ACSS1: variants seen among roughly 807,000 people sequenced by gnomAD.
ACSS1 encodes acyl-CoA synthetase short chain family member 1.
A neutral mutation model predicts 75.3 loss-of-function variants in ACSS1; 42 were observed. The observed-to-expected ratio is 0.56, with a 90% CI of 0.44 to 0.72. ACSS1 has a LOEUF of 0.72. ACSS1 is among the 30% of genes least tolerant of loss of function. ACSS1 has a pLI of 0.00. For missense variants in ACSS1, 782 were observed against 935.7 expected (o/e 0.84, Z 2.14); for synonymous variants, 380 against 376.8 (o/e 1.01, Z -0.10).
intron 6 of ACSS1, among the ~76,000 whole-genome samples, chr20:25,020,429 G>A (rs1404993085): frequency 6.6e-6 from 1 of 152,246 alleles, no homozygotes; most frequent in Non-Finnish European, 1.5e-5. Flanking sequence ...AGTTCAAGGT[G>A]ATACTACGTG....
chr20:25,024,429 C>A (rs1004263527), intron 3 of ACSS1, among the ~76,000 whole-genome samples: 4 of 152,174 alleles, frequency 2.6e-5, no homozygotes, highest in Non-Finnish European at 5.9e-5. Flanking sequence ...GGGGTTACTA[C>A]ACAGCCCCTC....
chr20:25,024,030 A>T (rs975526088), intron 3 of ACSS1, among the ~76,000 whole-genome samples: 2 of 152,152 alleles, frequency 1.3e-5, no homozygotes, highest in Admixed American at 6.5e-5. Flanking sequence ...AAATACCGAG[A>T]GGCAGAGAAC....
intron 1 of ACSS1, among the ~76,000 whole-genome samples, chr20:25,053,627 C>A (rs1236888177): frequency 6.6e-6 from 1 of 152,116 alleles, no homozygotes; most frequent in Non-Finnish European, 1.5e-5. Context: ...GAAGCACAGG[C>A]GCACAGCGTC....
chr20:25,045,787 A>T (rs965645904), intron 2 of ACSS1, among the ~76,000 whole-genome samples: 1 of 152,242 alleles, frequency 6.6e-6, no homozygotes, highest in East Asian at 1.9e-4. Flanking sequence ...TGACCAGGAC[A>T]ATGAGGAACT....
At chr20:25,015,095 G>T in intron 8 of ACSS1, 43 bp downstream of exon 8, 1 of 1,557,884 alleles carries the variant, frequency 6.4e-7, no homozygotes, top group South Asian at 1.1e-5. Context: ...TGACCCTGCA[G>T]ACCCAGCACT....
chr20:25,013,653 C>T lies in ACSS1; in HGVS notation c.1462G>A (p.Val488Met), dbSNP rs6050249. ...GCCCCGGAGACGTTGCTGCCCTCCA[C>T]GACGCTGCCCTGTAGACCCCGGACA... ...PVLMDEKGSV[V>M]EGSNVSGALC... is the part of the protein sequence containing the mutation. Residue 488 changes from valine to methionine, a missense_variant, in exon 10 of 14, where the codon GTG (valine) becomes ATG (methionine). Physicochemically the swap from Val to Met is conservative, Grantham distance 21. Coordinates refer to ENST00000323482, the MANE Select transcript of ACSS1 (RefSeq NM_032501.4). 0.17 allele frequency: 276,146 copies of T among 1,600,708 alleles called. 25,505 individuals carry two copies. Among genetic ancestry groups the T allele is most frequent in the African/African-American group, 0.31 (23,219 of 74,792 alleles).
chr20:25,036,952 CA>C (rs376184330), intron 2 of ACSS1, among the ~76,000 whole-genome samples: 179 of 87,224 alleles, frequency 2.1e-3, no homozygotes, highest in Admixed American at 2.9e-3. Context: ...TAGACTCTGT[CA>C]AAAAAAAAAA....
chr20:25,057,652 G>A, intron 1 of ACSS1, 117 bp downstream of exon 1: 1 of 991,514 alleles, frequency 1.0e-6, no homozygotes, highest in South Asian at 1.9e-5. Flanking sequence ...CCGGAGGAGG[G>A]GCCCCTGCAG....
chr20:25,032,839 T>C (rs1450108536), intron 2 of ACSS1: 6 of 339,334 alleles, frequency 1.8e-5, no homozygotes, highest in Non-Finnish European at 2.5e-5. Context: ...GGGGACCACA[T>C]GAGAACCAGA....
At chr20:25,037,101 C>A (rs2088926765) in intron 2 of ACSS1, among the ~76,000 whole-genome samples, 1 of 152,146 alleles carries the variant, frequency 6.6e-6, no homozygotes, top group African/African-American at 2.4e-5. Flanking sequence ...TTCTGGCAGT[C>A]AGTATTCATG....
chr20:25,040,021 C>T (rs190632184), intron 2 of ACSS1, among the ~76,000 whole-genome samples: 1 of 152,356 alleles, frequency 6.6e-6, no homozygotes, highest in East Asian at 1.9e-4. Flanking sequence ...CCTGGCAGAA[C>T]ATTCGCCCCT....
chr20:25,012,921 T>C lies in ACSS1; in HGVS notation c.1598A>G (p.Asp533Gly). Reference sequence around the variant, plus strand: ...GCCGCCCTCAGTTCGGTAAGCCCCGTCTCCAGTGAAGTAATAGCCTGCACC... The same window carrying C: ...GCCGCCCTCAGTTCGGTAAGCCCCGCCTCCAGTGAAGTAATAGCCTGCACC... ...KAYPGYYFTG[D>G]GAYRTEGGYY... is the part of the protein sequence containing the mutation. Residue 533 changes from aspartate (D) to glycine (G), a missense_variant, in exon 11 of 14, where the codon GAC (aspartate) becomes GGC (glycine). Asp to Gly is a moderately conservative substitution (Grantham distance 94). Around this residue, in one of 2 missense-constraint regions of ACSS1, gnomAD observed 405 missense variants for 552.6 expected, o/e 0.73. Coordinates refer to ENST00000323482, the MANE Select transcript of ACSS1 (RefSeq NM_032501.4). 1 of 1,614,072 alleles carries C rather than the reference T, an allele frequency of 6.2e-7. No homozygotes were observed. Among genetic ancestry groups the C allele is most frequent in the Non-Finnish European group, 8.5e-7 (1 of 1,180,018 alleles).
At position 25,015,163 on chromosome 20, in the gene ACSS1, C is replaced by T. The variant is rs2088494173; in HGVS notation, c.1314G>A (p.Thr438=). Residue 438 remains threonine (T), a synonymous_variant, in exon 8 of 14, where the codon ACG becomes ACA. Coordinates refer to ENST00000323482, the MANE Select transcript of ACSS1 (RefSeq NM_032501.4). ...CTGTCTGCCACCAGGTGTCCACCAG[C>T]GTGCACCTGCTGTCCCCCACCACCC... ...LHRVVGDSRC[T]LVDTWWQTET... The T allele has an allele frequency of 5.0e-6, 8 of 1,613,106 alleles. No individual in the cohort carries two copies. Among genetic ancestry groups the T allele is most frequent in the South Asian group, 1.1e-5 (1 of 91,046 alleles).
In ACSS1 at chr20:25,013,070, G is replaced by A. The variant is rs560750305; in HGVS notation, c.1580-131C>T. ...GCCCATCGGCCCTCCTTGCAACTCC[G>A]ATGCTTCCCTATGTTCTAGAGCATG... On this transcript the variant is annotated intron_variant, in intron 10 of 13. Transcript: ENST00000323482. 516 of 1,360,610 alleles carry A rather than the reference G, an allele frequency of 3.8e-4. No individual in the cohort carries two copies. In the African/African-American group the frequency reaches 5.6e-3, roughly 15 times the overall value. 84.3% of individuals were successfully genotyped at this position (1,360,610 alleles called of 1,614,324 possible).
chr20:25,029,444 A>T (rs1301127977), intron 3 of ACSS1, among the ~76,000 whole-genome samples: 1 of 152,260 alleles, frequency 6.6e-6, no homozygotes, highest in Non-Finnish European at 1.5e-5. Context: ...GCATCTCCTT[A>T]GCAAAACAGT....
chr20:25,057,111 G>T (rs888730319), intron 1 of ACSS1, among the ~76,000 whole-genome samples: 6 of 152,266 alleles, frequency 3.9e-5, no homozygotes, highest in African/African-American at 1.2e-4. Flanking sequence ...GCCCCAGGTC[G>T]CTGGGGTGCA....
intron 7 of ACSS1, among the ~76,000 whole-genome samples, chr20:25,019,251 C>A (rs778697978): frequency 1.3e-4 from 20 of 152,244 alleles, no homozygotes; most frequent in Non-Finnish European, 2.8e-4. Context: ...GAACAGCAGT[C>A]ACCAGCACCC....
At chr20:25,013,515 G>A in intron 10 of ACSS1, 21 bp downstream of exon 10, 3 of 1,568,626 alleles carry the variant, frequency 1.9e-6, no homozygotes, top group South Asian at 1.1e-5. Flanking sequence ...GGAATGAGAG[G>A]GTCCCTGACA....
intron 2 of ACSS1, among the ~76,000 whole-genome samples, chr20:25,043,737 C>A (rs922525166): frequency 4.6e-5 from 7 of 152,224 alleles, no homozygotes; most frequent in Non-Finnish European, 1.0e-4. Flanking sequence ...GCACACGATG[C>A]CTGTGCTTCC....
Sources: allele counts gnomAD v4.1 joint callset (sites outside exome capture counted in the v4.1 genomes callset), GRCh38; gene constraint gnomAD v4.1.1; regional missense constraint gnomAD v4.1.1; transcripts MANE v1.5; gene names NCBI Gene and HGNC (gene_info 2026-07-23, HGNC 2026-07-21).